NEK5: variants seen among roughly 807,000 people sequenced by gnomAD.
NEK5 encodes serine/threonine-protein kinase Nek5.
A neutral mutation model predicts 109.2 loss-of-function variants in NEK5; 88 were observed. That is an observed-to-expected ratio of 0.81 (90% CI 0.68 to 0.96). The LOEUF (loss-of-function observed/expected upper bound fraction) is 0.96, where lower values mean the gene tolerates loss of function less well. NEK5 is among the 40% of genes least tolerant of loss of function. NEK5 has a pLI of 0.00. For missense variants in NEK5, 834 were observed against 920.7 expected, an observed-to-expected ratio of 0.91 and a Z score of 1.22; for synonymous variants, 283 against 299.9, an observed-to-expected ratio of 0.94 and a Z score of 0.58.
intron 3 of NEK5, among the ~76,000 whole-genome samples, chr13:52,121,956 A>G (rs1226193484): frequency 6.6e-6 from 1 of 150,764 alleles, no homozygotes; most frequent in Non-Finnish European, 1.5e-5. Context: ...TTTTTAAGAC[A>G]GAGTTCTGCT....
chr13:52,039,190 T>C (rs1280938555), intron 23 of NEK5, among the ~76,000 whole-genome samples: 1 of 152,160 alleles, frequency 6.6e-6, no homozygotes, highest in Non-Finnish European at 1.5e-5. Flanking sequence ...AGAAAACTGA[T>C]TCTGCAGAAC....
At chr13:52,047,999 A>T (rs939191888) in intron 23 of NEK5, among the ~76,000 whole-genome samples, 5 of 152,206 alleles carry the variant, frequency 3.3e-5, no homozygotes, top group African/African-American at 9.7e-5. Context: ...ACACAAGAGG[A>T]AAAAAGGGAG....
At chr13:52,077,870 T>A (rs1283996869) in intron 17 of NEK5, among the ~76,000 whole-genome samples, 2 of 151,590 alleles carry the variant, frequency 1.3e-5, no homozygotes, top group African/African-American at 4.9e-5. Context: ...AGGTCGGGAG[T>A]TCGAGACCAG....
intron 20 of NEK5, among the ~76,000 whole-genome samples, chr13:52,068,264 C>T (rs188597283): frequency 5.9e-5 from 9 of 152,164 alleles, no homozygotes; most frequent in Non-Finnish European, 8.8e-5. Context: ...TTCTTTTGGT[C>T]GTGAGACAAA....
At chr13:52,039,069 A>C (rs546147103) in intron 23 of NEK5, among the ~76,000 whole-genome samples, 1 of 152,280 alleles carries the variant, frequency 6.6e-6, no homozygotes, top group African/African-American at 2.4e-5. Context: ...GTTTTAGAGC[A>C]CCTGCAGAGC....
In NEK5 at chr13:52,065,742, C is replaced by A. The variant is rs1381231289; in HGVS notation, c.1850-133G>T. On this transcript the variant is annotated intron_variant, in intron 20 of 23. Coordinates refer to ENST00000684899, the MANE Select transcript of NEK5 (RefSeq NM_001365552.1). The stretch of plus-strand genomic sequence containing the variant: ...AACCAGAAAAATGACCACCCTTGTT[C>A]TAACAGATATAAGACTGAAATGACA... The A allele has an allele frequency of 4.1e-5, 26 of 632,600 alleles. No individual in the cohort carries two copies. In the Admixed American group the frequency reaches 6.1e-4, roughly 15 times the overall value. The allele number at this position is 632,600 out of a possible 1,614,324, so 39.2% of individuals were successfully genotyped here.
chr13:52,126,589 G>A (rs932774262), intron 3 of NEK5, among the ~76,000 whole-genome samples: 2 of 152,072 alleles, frequency 1.3e-5, no homozygotes, highest in East Asian at 1.9e-4. Flanking sequence ...ACCAGCCTGG[G>A]CAACATGGTG....
rs1231114722 is a variant in NEK5, at chr13:52,085,965, C to A, written c.1479+312G>T. Among the ~76,000 whole-genome samples the A allele has an allele frequency of 5.9e-5, 9 of 152,122 alleles. No homozygotes were observed. In the East Asian group the frequency reaches 1.2e-3, roughly 20 times the overall value. On this transcript the variant is annotated intron_variant, in intron 16 of 23. Transcript: ENST00000684899. ...TGGACTTTCTGCATCTAATCCAGCT[C>A]TGGTCTAAAGTTGCCACTCAATAAA... is the stretch of plus-strand genomic sequence containing the variant.
rs1340641696 is a variant in NEK5, at chr13:52,078,202, A to T, written c.1573-2059T>A. ...ATAAATTTTGATACATTCATACAAT[A>T]GAATATACTCAGCAATAAAGAATAA... On this transcript the variant is annotated intron_variant, in intron 17 of 23. Transcript: ENST00000684899. Among the ~76,000 whole-genome samples, 3 of 152,246 alleles carry T rather than the reference A, an allele frequency of 2.0e-5. No individual in the cohort carries two copies. The East Asian group carries it at 5.8e-4, about 29-fold the overall frequency.
intron 22 of NEK5, among the ~76,000 whole-genome samples, chr13:52,057,167 C>T (rs1311269437): frequency 2.0e-5 from 3 of 152,216 alleles, no homozygotes; most frequent in Non-Finnish European, 2.9e-5. Flanking sequence ...ATACTACAAA[C>T]ATCTCTACGC....
chr13:52,080,645 A>T (rs1311151967), intron 17 of NEK5, among the ~76,000 whole-genome samples: 46 of 146,936 alleles, frequency 3.1e-4, no homozygotes, highest in African/African-American at 5.9e-4. Context: ...GGTTAAATGG[A>T]TTAAGGGCGG....
At chr13:52,102,655 T>C (rs1955565339) in intron 9 of NEK5, among the ~76,000 whole-genome samples, 1 of 152,158 alleles carries the variant, frequency 6.6e-6, no homozygotes, top group Non-Finnish European at 1.5e-5. Context: ...ATTGCGTCAC[T>C]GCACTCCAGC....
intron 21 of NEK5, 121 bp downstream of exon 21, chr13:52,065,363 T>G: frequency 7.6e-7 from 1 of 1,320,400 alleles, no homozygotes; most frequent in Non-Finnish European, 1.1e-6. Flanking sequence ...TATTTGAAAG[T>G]GTCTGATACA....
intron 17 of NEK5, among the ~76,000 whole-genome samples, chr13:52,077,459 A>G (rs577299822): frequency 6.6e-6 from 1 of 152,346 alleles, no homozygotes; most frequent in East Asian, 1.9e-4. Context: ...TTTGCAAGCC[A>G]TGGTGCGGGG....
In NEK5 at chr13:52,093,219, C is replaced by G. The variant is rs923229821; in HGVS notation, c.1043G>C (p.Arg348Thr). 1.9e-6 allele frequency: 3 copies of G among 1,611,770 alleles called. No individual in the cohort carries two copies. The highest frequency in any genetic ancestry group is 2.5e-6 in the Non-Finnish European group (3 of 1,178,244). ...TCCACAGACAGCAGCAATTTTGGGTCTTTCTATCATTTTTATCTGAAGAAA... is the reference window on the plus strand; with the variant it reads ...TCCACAGACAGCAGCAATTTTGGGTGTTTCTATCATTTTTATCTGAAGAAA... ...QKARSIKMIE[R>T]PKIAAVCGHY... The change falls in exon 13 of 24, where the codon AGA becomes ACA. Residue 348 changes from arginine to threonine, a missense_variant. By Grantham distance (71) the Arg-to-Thr change is moderately conservative. This residue lies in a region of NEK5 where 777 missense variants were observed against 824.7 expected (regional missense o/e 0.94). Coordinates refer to ENST00000684899, the MANE Select transcript of NEK5 (RefSeq NM_001365552.1).
chr13:52,100,805 T>C (rs2137996591), intron 11 of NEK5, among the ~76,000 whole-genome samples: 1 of 152,342 alleles, frequency 6.6e-6, no homozygotes, highest in Non-Finnish European at 1.5e-5. Flanking sequence ...TTTCTAAACA[T>C]TCTCAATCTA....
At chr13:52,108,457 A>C in intron 7 of NEK5, 53 bp from the exon 8 acceptor site, 1 of 1,181,956 alleles carries the variant, frequency 8.5e-7, no homozygotes, top group Non-Finnish European at 1.2e-6. Flanking sequence ...TGGAGTAAGA[A>C]AAGTCTTAAG....
Position 52,036,924 on chromosome 13 carries a change from A to C in NEK5, c.*24T>G, listed in dbSNP as rs2140868310. ...TACTATAGGTAATAGACACTAACTT[A>C]TTACTTAAGAAAAAGTACAATAATC... On this transcript the variant is annotated 3_prime_UTR_variant, in exon 24 of 24. Coordinates refer to ENST00000684899, the MANE Select transcript of NEK5 (RefSeq NM_001365552.1). 3 of 976,676 alleles carry C rather than the reference A, an allele frequency of 3.1e-6. No homozygotes were observed. Among genetic ancestry groups the C allele is most frequent in the South Asian group, 9.5e-5 (2 of 21,126 alleles). The allele number at this position is 976,676 out of a possible 1,614,324, so 60.5% of individuals were successfully genotyped here.
intron 12 of NEK5, among the ~76,000 whole-genome samples, chr13:52,097,559 T>A (rs1488496173): frequency 6.6e-6 from 1 of 152,240 alleles, no homozygotes; most frequent in Non-Finnish European, 1.5e-5. Context: ...ATAAACCCTT[T>A]GTTTTGGCTG....
Sources: gnomAD v4.1 joint callset for allele counts (sites outside exome capture counted in the v4.1 genomes callset) on GRCh38, gnomAD v4.1.1 for gene constraint, gnomAD v4.1.1 regional missense constraint, MANE v1.5 for transcripts, NCBI Gene and HGNC (gene_info 2026-07-23, HGNC 2026-07-21) for gene names.